Variants in CDC27 observed in about 807,000 individuals in gnomAD.
CDC27 encodes the protein cell division cycle protein 27 homolog.
Under a neutral mutation model 109.7 loss-of-function variants are expected in CDC27, and 27 were observed. That is an observed-to-expected ratio of 0.25 (90% CI 0.18 to 0.34). The LOEUF (loss-of-function observed/expected upper bound fraction) is 0.34, where lower values mean the gene tolerates loss of function less well. Among genes scored for constraint, CDC27 ranks in the 10% least tolerant of loss-of-function variants. The pLI is 1.00. For missense variants in CDC27, 579 were observed against 960.2 expected (o/e 0.60, Z 5.25); for synonymous variants, 266 against 333.9 (o/e 0.80, Z 2.22).
intron 15 of CDC27, among the ~76,000 whole-genome samples, chr17:47,129,865 TTAAGTC>T (rs1281893926): frequency 1.3e-5 from 2 of 152,196 alleles, no homozygotes; most frequent in Non-Finnish European, 2.9e-5. Flanking sequence ...TTGGTTACCT[TTAAGTC>T]TAAAAGGCAA....
chr17:47,122,112 G>A (rs1053269699), intron 18 of CDC27, among the ~76,000 whole-genome samples: 10 of 152,082 alleles, frequency 6.6e-5, no homozygotes, highest in African/African-American at 2.4e-4. Context: ...AATTTATCTT[G>A]TCAGAAATTT....
At position 47,173,333 on chromosome 17, in the gene CDC27, T is replaced by C. The variant is rs1295009156; in HGVS notation, c.104-1269A>G. Among the ~76,000 whole-genome samples, 5 of 151,790 alleles carry C rather than the reference T, an allele frequency of 3.3e-5. No homozygotes were observed. The East Asian group carries it at 9.7e-4, about 29-fold the overall frequency. On this transcript the variant is annotated intron_variant, in intron 2 of 18. Coordinates refer to ENST00000066544, the MANE Select transcript of CDC27 (RefSeq NM_001256.6). ...AAATGATAAGAAATTTTGGCAGATG[T>C]GTTTTAATGAGATGTATAGTAGTAT...
At chr17:47,144,650 A>G (rs1289542783) in intron 9 of CDC27, among the ~76,000 whole-genome samples, 1 of 152,228 alleles carries the variant, frequency 6.6e-6, no homozygotes, top group African/African-American at 2.4e-5. Flanking sequence ...TGAGAATTTC[A>G]ATCTTAGCAA....
Position 47,142,251 on chromosome 17 carries a change from A to T in CDC27, c.1356T>A (p.Phe452Leu). Residue 452 changes from phenylalanine to leucine, a missense_variant, in exon 11 of 19, where the codon TTT becomes TTA. Transcript: ENST00000066544. ...GACCTGCTGCTGCTTTTTGTAGATT[A>T]AAGGCCTGAATCTGAGGTGTGATTG... Reference protein sequence around the residue: ...ISTITPQIQAFNLQKAAAEGL... With the variant: ...ISTITPQIQALNLQKAAAEGL... 5.0e-6 allele frequency: 8 copies of T among 1,598,264 alleles called. No homozygotes were observed. The highest frequency in any genetic ancestry group is 6.8e-6 in the Non-Finnish European group (8 of 1,170,326).
chr17:47,158,950 C>T (rs1184204203), intron 4 of CDC27, among the ~76,000 whole-genome samples: 5 of 152,078 alleles, frequency 3.3e-5, no homozygotes, highest in Non-Finnish European at 7.4e-5. Context: ...TGGGGTTTTG[C>T]CATATTGCCC....
At position 47,169,816 on chromosome 17, in the gene CDC27, C is replaced by A. The variant is rs2063760058; in HGVS notation, c.377+101G>T. On this transcript the variant is annotated intron_variant, in intron 4 of 18. Transcript: ENST00000066544. ...AGAATCAGACTATGTACTACTCAGCCAAGTAATATTTGATAAACACTGATC... is the reference window on the plus strand; with the variant it reads ...AGAATCAGACTATGTACTACTCAGCAAAGTAATATTTGATAAACACTGATC... The A allele has an allele frequency of 3.1e-6, 3 of 967,332 alleles. No homozygotes were observed. In the African/African-American group the frequency reaches 5.1e-5, roughly 16 times the overall value. The allele number at this position is 967,332 out of a possible 1,614,324, so 59.9% of individuals were successfully genotyped here.
rs1045267562 is a variant in CDC27, at chr17:47,178,216, T to G, written c.103+3346A>C. Among the ~76,000 whole-genome samples the G allele has an allele frequency of 3.3e-5, 5 of 152,106 alleles. No individual in the cohort carries two copies. The South Asian group carries it at 1.0e-3, about 32-fold the overall frequency. On this transcript the variant is annotated intron_variant, in intron 2 of 18. Coordinates refer to ENST00000066544, the MANE Select transcript of CDC27 (RefSeq NM_001256.6). ...AACAAAACCACTCAATGGAAAATAT[T>G]AGAGTGTATCATATCTAATAAGGGT...
chr17:47,159,249 T>C, intron 4 of CDC27: 1 of 533,736 alleles, frequency 1.9e-6, no homozygotes, highest in Non-Finnish European at 3.2e-6. Flanking sequence ...AGTGTGGGTC[T>C]TGACGAGGTG....
At chr17:47,131,721 T>G (rs1391062996) in intron 15 of CDC27, among the ~76,000 whole-genome samples, 1 of 148,242 alleles carries the variant, frequency 6.7e-6, no homozygotes, top group Non-Finnish European at 1.5e-5. Context: ...CAGGCTGGAG[T>G]GCAGTATCAC....
intron 18 of CDC27, among the ~76,000 whole-genome samples, chr17:47,121,892 AC>A (rs1199037576): frequency 6.6e-6 from 1 of 152,018 alleles, no homozygotes; most frequent in Non-Finnish European, 1.5e-5. Context: ...GGCGCCCGCA[AC>A]CACGCCCAGC....
rs1358892247 is a variant in CDC27, at chr17:47,172,260, A to T, written c.104-196T>A. On this transcript the variant is annotated intron_variant, in intron 2 of 18. Transcript: ENST00000066544. ...AAAGTCAGTTCCTTAGATCTTGATT[A>T]CTTTTCTCTACAAGAAACCAAGGAA... Among the ~76,000 whole-genome samples, 3 of 152,204 alleles carry T rather than the reference A, an allele frequency of 2.0e-5. No homozygotes were observed. In the East Asian group the frequency reaches 5.8e-4, roughly 29 times the overall value.
intron 1 of CDC27, among the ~76,000 whole-genome samples, chr17:47,183,657 C>T (rs912928836): frequency 6.6e-6 from 1 of 152,146 alleles, no homozygotes; most frequent in East Asian, 1.9e-4. Flanking sequence ...CTTCCCACTG[C>T]TATAATTCTG....
chr17:47,125,235 C>CTTTTTT (rs58631604), intron 16 of CDC27, among the ~76,000 whole-genome samples: 8 of 48,044 alleles, frequency 1.7e-4, no homozygotes, highest in African/African-American at 4.4e-4. Flanking sequence ...TTAAAGAAAT[C>CTTTTTT]TTTTTTTTTT....
Position 47,153,637 on chromosome 17 carries a change from C to A in CDC27, c.957+1035G>T, listed in dbSNP as rs1487366045. 3.3e-5 allele frequency among the ~76,000 whole-genome samples: 5 copies of A among 152,260 alleles called. No homozygotes were observed. The East Asian group carries it at 7.7e-4, about 23-fold the overall frequency. ...CATATTAGTATGACTTGTTTAGCTT[C>A]CATTTCTTGAATATTTATGAAGCAT... On this transcript the variant is annotated intron_variant, in intron 8 of 18. Coordinates refer to ENST00000066544, the MANE Select transcript of CDC27 (RefSeq NM_001256.6).
chr17:47,147,691 A>G (rs2063012840), intron 9 of CDC27, among the ~76,000 whole-genome samples: 1 of 151,968 alleles, frequency 6.6e-6, no homozygotes, highest in Admixed American at 6.6e-5. Context: ...ACAACATAGC[A>G]AGACCTTGTC....
intron 10 of CDC27, among the ~76,000 whole-genome samples, chr17:47,142,840 G>A (rs887940014): frequency 3.9e-5 from 6 of 152,136 alleles, no homozygotes; most frequent in Non-Finnish European, 7.4e-5. Context: ...CACCACGCCC[G>A]GTTAATTTTT....
chr17:47,166,231 C>A (rs2063642336), intron 4 of CDC27, among the ~76,000 whole-genome samples: 1 of 152,032 alleles, frequency 6.6e-6, no homozygotes, highest in Non-Finnish European at 1.5e-5. Context: ...GTTCTGTTTT[C>A]TGGAAGAGAT....
At position 47,128,109 on chromosome 17, in the gene CDC27, C is replaced by T. The variant is rs1361307367; in HGVS notation, c.2160+1284G>A. On this transcript the variant is annotated intron_variant, in intron 16 of 18. Coordinates refer to ENST00000066544, the MANE Select transcript of CDC27 (RefSeq NM_001256.6). ...GCAGTGGCGTAATCTTGGCTCACTG[C>T]AACCTCTGCCTCCTGGGTTCAAGTG... Among the ~76,000 whole-genome samples the T allele has an allele frequency of 3.3e-5, 5 of 152,182 alleles. No homozygotes were observed. The East Asian group carries it at 9.7e-4, about 29-fold the overall frequency.
intron 13 of CDC27, 34 bp from the exon 14 acceptor site, chr17:47,137,394 TA>T: frequency 7.3e-7 from 1 of 1,376,588 alleles, no homozygotes; most frequent in Non-Finnish European, 9.7e-7. Flanking sequence ...CAAACAGAAT[TA>T]AAATTTTACT....
Sources: allele counts gnomAD v4.1 joint callset (sites outside exome capture counted in the v4.1 genomes callset), GRCh38; gene constraint gnomAD v4.1.1; transcripts MANE v1.5; gene names NCBI Gene and HGNC (gene_info 2026-07-23, HGNC 2026-07-21).